The following CDC42EP4 variants were observed in gnomAD, a reference collection of about 807,000 sequenced individuals.
The protein encoded by CDC42EP4 is CDC42 effector protein 4, also known as CDC42 effector protein (Rho GTPase binding) 4.
Under a neutral mutation model 5.6 loss-of-function variants are expected in CDC42EP4, and 6 were observed. The ratio of observed to expected loss-of-function variants is 1.07; its 90% confidence interval spans 0.59 to 2.12. The LOEUF is 2.12. Ranked by LOEUF, CDC42EP4 falls within the 30% of genes most tolerant of loss-of-function variation. The pLI is 0.00. For synonymous variants in CDC42EP4, 230 were observed against 224.2 expected (o/e 1.03, Z -0.23); for missense variants, 490 against 508.6 (o/e 0.96, Z 0.35).
At chr17:73,303,959 T>G (rs2062232271) in intron 1 of CDC42EP4, among the ~76,000 whole-genome samples, 1 of 152,228 alleles carries the variant, frequency 6.6e-6, no homozygotes, top group Non-Finnish European at 1.5e-5. Context: ...CTTTAATTGC[T>G]GGAAGATATA....
chr17:73,293,418 C>T (rs1235437141), intron 1 of CDC42EP4, among the ~76,000 whole-genome samples: 2 of 152,152 alleles, frequency 1.3e-5, no homozygotes, highest in Non-Finnish European at 2.9e-5. Flanking sequence ...TTGTGGAGGG[C>T]CCAGACCAGG....
At chr17:73,293,634 T>A (rs1471708257) in intron 1 of CDC42EP4, among the ~76,000 whole-genome samples, 1 of 152,114 alleles carries the variant, frequency 6.6e-6, no homozygotes, top group Non-Finnish European at 1.5e-5. Flanking sequence ...AACAGCACGC[T>A]GGAGGGGGTT....
intron 1 of CDC42EP4, among the ~76,000 whole-genome samples, chr17:73,302,638 T>C (rs1167077340): frequency 6.6e-6 from 1 of 152,124 alleles, no homozygotes; most frequent in African/African-American, 2.4e-5. Context: ...CCATGTTGCC[T>C]AGCCAAGTCT....
In CDC42EP4 at chr17:73,285,410, G is replaced by C. The variant is rs78835784; in HGVS notation, c.*20C>G. 1 of 1,529,080 alleles carries C rather than the reference G, an allele frequency of 6.5e-7. No individual in the cohort carries two copies. The highest frequency in any genetic ancestry group is 8.8e-7 in the Non-Finnish European group (1 of 1,131,096). The allele number at this position is 1,529,080 out of a possible 1,614,324, so 94.7% of individuals were successfully genotyped here. A position where few individuals can be genotyped will look rare whatever the true frequency, so the allele number is the denominator to read the frequency against. On this transcript the variant is annotated 3_prime_UTR_variant, in exon 2 of 2. Transcript: ENST00000335793. This position sits in a 1 kb window ranked among gnomAD's most constrained non-coding sequence, Gnocchi z 6.8. Reference sequence around the variant, plus strand: ...GAGAAGATGCAGCCAAGAGCTCCCGGTGGCCACCCACTGTCCGCCTCACAC... The same window carrying C: ...GAGAAGATGCAGCCAAGAGCTCCCGCTGGCCACCCACTGTCCGCCTCACAC...
intron 1 of CDC42EP4, among the ~76,000 whole-genome samples, chr17:73,307,694 C>T (rs954554895): frequency 2.0e-5 from 3 of 151,580 alleles, no homozygotes; most frequent in Non-Finnish European, 4.4e-5. Context: ...CTGATCCACC[C>T]GCCTTGGCCT....
At chr17:73,297,048 C>T (rs1434515475) in intron 1 of CDC42EP4, among the ~76,000 whole-genome samples, 9 of 146,496 alleles carry the variant, frequency 6.1e-5, no homozygotes, top group Admixed American at 1.4e-4. Context: ...AATCCCAGCA[C>T]TTTGGGAGGC....
chr17:73,298,564 A>G (rs2062200471), intron 1 of CDC42EP4, among the ~76,000 whole-genome samples: 1 of 152,244 alleles, frequency 6.6e-6, no homozygotes, highest in South Asian at 2.1e-4. Flanking sequence ...GACTGTCACT[A>G]CAAGGGAGCA....
chr17:73,287,100 T>C (rs1022962240), intron 1 of CDC42EP4, among the ~76,000 whole-genome samples: 2 of 152,136 alleles, frequency 1.3e-5, no homozygotes, highest in African/African-American at 2.4e-5. Flanking sequence ...CACCCCACCC[T>C]GAGTCCTGGT....
At chr17:73,293,849 G>A (rs1295720125) in intron 1 of CDC42EP4, among the ~76,000 whole-genome samples, 1 of 152,196 alleles carries the variant, frequency 6.6e-6, no homozygotes, top group East Asian at 1.9e-4. Flanking sequence ...CGAGAACAGT[G>A]ACCGCTTAGA....
chr17:73,286,557 A>C lies in CDC42EP4; in HGVS notation c.-57T>G. 2.9e-6 allele frequency: 4 copies of C among 1,369,740 alleles called. No individual in the cohort carries two copies. In the South Asian group the frequency reaches 5.5e-5, roughly 19 times the overall value. 84.8% of individuals were successfully genotyped at this position (1,369,740 alleles called of 1,614,324 possible). A position where few individuals can be genotyped will look rare whatever the true frequency, so the allele number is the denominator to read the frequency against. ...CGAGGTAGCCGGCAGGTCTGGGGTC[A>C]GATCTGAAGTCCAAGTCCAGTGGGC... On this transcript the variant is annotated 5_prime_UTR_variant, in exon 2 of 2. It removes the in-frame stop codon of an upstream open reading frame in the 5' UTR. Coordinates refer to ENST00000335793, the MANE Select transcript of CDC42EP4 (RefSeq NM_012121.5). This position sits in a 1 kb window ranked among gnomAD's most constrained non-coding sequence, Gnocchi z 7.7.
At position 73,285,506 on chromosome 17, in the gene CDC42EP4, C is replaced by T. The variant is rs770569939; in HGVS notation, c.995G>A (p.Arg332Gln). The T allele has an allele frequency of 2.1e-5, 34 of 1,607,730 alleles. 1 individual carries two copies. Among genetic ancestry groups the T allele is most frequent in the South Asian group, 1.8e-4 (16 of 90,734 alleles). The change falls in exon 2 of 2, where the codon CGG becomes CAG. Residue 332 changes from arginine to glutamine, a missense_variant. Transcript: ENST00000335793. The surrounding 1 kb of genome is among the most constrained non-coding windows in gnomAD (Gnocchi z 6.8). Reference protein sequence around the residue: ...SPAFRGPDRARAAVSRQPDKE... With the variant: ...SPAFRGPDRAQAAVSRQPDKE... ...GTCTGGCTGTCTTGAGACAGCAGCC[C>T]GGGCCCTGTCCGGCCCCCGGAAGGC...
intron 1 of CDC42EP4, among the ~76,000 whole-genome samples, chr17:73,293,841 A>T (rs2062172664): frequency 6.6e-6 from 1 of 152,216 alleles, no homozygotes; most frequent in Admixed American, 6.5e-5. Flanking sequence ...TGAATGGGCG[A>T]GAACAGTGAC....
rs2062122321 is a variant in CDC42EP4, at chr17:73,284,902, C to T, written c.*528G>A. 6.6e-6 allele frequency: 1 copy of T among 152,392 alleles called. No individual in the cohort carries two copies. The highest frequency in any genetic ancestry group is 1.5e-5 in the Non-Finnish European group (1 of 68,148). 9.4% of individuals were successfully genotyped at this position (152,392 alleles called of 1,614,324 possible). ...TCAGCTCCAAGGGGCTCCAGATTTC[C>T]AGGGCAGGAGCTGGGGTGGGGCAGG... is the stretch of plus-strand genomic sequence containing the variant. On this transcript the variant is annotated 3_prime_UTR_variant, in exon 2 of 2. Transcript: ENST00000335793.
intron 1 of CDC42EP4, among the ~76,000 whole-genome samples, chr17:73,293,225 T>G (rs1039373212): frequency 1.3e-5 from 2 of 152,122 alleles, no homozygotes; most frequent in African/African-American, 2.4e-5. Flanking sequence ...TGATTCAATC[T>G]GTGTATCTGG....
intron 1 of CDC42EP4, among the ~76,000 whole-genome samples, chr17:73,293,178 G>A (rs1159308749): frequency 1.3e-5 from 2 of 152,208 alleles, no homozygotes; most frequent in Non-Finnish European, 2.9e-5. Context: ...CATTATAGGT[G>A]TACAAGGAAA....
At chr17:73,297,301 A>ACACACACACACACACACAC (rs1568343473) in intron 1 of CDC42EP4, among the ~76,000 whole-genome samples, 5 of 147,694 alleles carry the variant, frequency 3.4e-5, no homozygotes, top group East Asian at 2.0e-4. Context: ...TCTCCAAAAA[A>ACACACACACACACACACAC]AAAAAAAAAC....
chr17:73,285,226 G>T lies in CDC42EP4; in HGVS notation c.*204C>A. On this transcript the variant is annotated 3_prime_UTR_variant, in exon 2 of 2. Coordinates refer to ENST00000335793, the MANE Select transcript of CDC42EP4 (RefSeq NM_012121.5). The surrounding 1 kb of genome is among the most constrained non-coding windows in gnomAD (Gnocchi z 6.8). ...AGTGCAGGGAGCATGATGAAGTCAG[G>T]CAGCCAGTCGGCACCCATGCCAGCC... 2.2e-6 allele frequency: 1 copy of T among 455,282 alleles called. No individual in the cohort carries two copies. Among genetic ancestry groups the T allele is most frequent in the Non-Finnish European group, 3.9e-6 (1 of 256,780 alleles). The allele number at this position is 455,282 out of a possible 1,614,324, so 28.2% of individuals were successfully genotyped here. A position where few individuals can be genotyped will look rare whatever the true frequency, so the allele number is the denominator to read the frequency against.
chr17:73,307,478 C>T (rs1364449542), intron 1 of CDC42EP4, among the ~76,000 whole-genome samples: 12 of 143,968 alleles, frequency 8.3e-5, no homozygotes, highest in African/African-American at 1.6e-4. Context: ...GACGGAGTCT[C>T]GCTCTGTCAC....
chr17:73,291,728 T>C (rs1383275098), intron 1 of CDC42EP4, among the ~76,000 whole-genome samples: 1 of 152,094 alleles, frequency 6.6e-6, no homozygotes, highest in Non-Finnish European at 1.5e-5. Context: ...TCCCACTTTC[T>C]TGGCAGGGAG....
Sources: allele counts gnomAD v4.1 joint callset (sites outside exome capture counted in the v4.1 genomes callset), GRCh38; gene constraint gnomAD v4.1.1; non-coding constraint Gnocchi (gnomAD v3.1); transcripts MANE v1.5; gene names NCBI Gene and HGNC (gene_info 2026-07-23, HGNC 2026-07-21).